The following RNLS variants were observed in gnomAD, a reference collection of about 807,000 sequenced individuals.
RNLS encodes the protein renalase, FAD dependent amine oxidase.
In RNLS, 39 loss-of-function variants were observed where a neutral mutation model predicts 39.8. That is an observed-to-expected ratio of 0.98 (90% confidence interval 0.76 to 1.28). The LOEUF is 1.28. Ranked by LOEUF, RNLS falls within the 50% of genes most tolerant of loss-of-function variation. The probability of loss-of-function intolerance (pLI) is 0.00; values close to 1 mark genes in which losing one functional copy is unlikely to be tolerated. For synonymous variants in RNLS, 147 were observed against 150.7 expected (o/e 0.98, Z 0.18); for missense variants, 410 against 413.3 (o/e 0.99, Z 0.07).
chr10:88,511,232 T>A (rs149144301), intron 4 of RNLS, among the ~76,000 whole-genome samples: 1 of 152,024 alleles, frequency 6.6e-6, no homozygotes, highest in East Asian at 2.0e-4. Context: ...GAGAATCACC[T>A]CTCTATGATG....
At chr10:88,360,644 G>T (rs982435941) in intron 5 of RNLS, among the ~76,000 whole-genome samples, 1 of 152,028 alleles carries the variant, frequency 6.6e-6, no homozygotes, top group African/African-American at 2.4e-5. Context: ...CATTACATTG[G>T]CCAGTCTGGT....
At chr10:88,420,305 T>A (rs1564786214) in intron 4 of RNLS, among the ~76,000 whole-genome samples, 1 of 152,200 alleles carries the variant, frequency 6.6e-6, no homozygotes, top group Non-Finnish European at 1.5e-5. Flanking sequence ...GTCCATTAAA[T>A]ATAAAGCTGG....
Position 88,540,276 on chromosome 10 carries a change from T to C in RNLS, c.526+32627A>G, listed in dbSNP as rs1847971237. Among the ~76,000 whole-genome samples the C allele has an allele frequency of 2.0e-5, 3 of 152,138 alleles. No homozygotes were observed. The South Asian group carries it at 6.2e-4, about 31-fold the overall frequency. On this transcript the variant is annotated intron_variant, in intron 4 of 6. Coordinates refer to ENST00000331772, the MANE Select transcript of RNLS (RefSeq NM_001031709.3). ...CAGCTGTAAAAAAGTAAAACTTTCT[T>C]AAAGTAAAACAAGGCATCCACTACT... is the stretch of plus-strand genomic sequence containing the variant.
the RNLS span, among the ~76,000 whole-genome samples, chr10:88,228,189 T>G: frequency 6.6e-6 from 1 of 152,216 alleles, no homozygotes; most frequent in Non-Finnish European, 1.5e-5. Flanking sequence ...AACAAAACTC[T>G]TTTCCTCAAC....
In RNLS at chr10:88,404,303, T is replaced by G. The variant is rs545688147; in HGVS notation, c.527-41578A>C. The stretch of plus-strand genomic sequence containing the variant: ...ATCTTGGTTTCAATCCTGCCTCTGT[T>G]CCCAAGAATCTTTGTGACCTGGGAC... On this transcript the variant is annotated intron_variant, in intron 4 of 6. Transcript: ENST00000331772. Among the ~76,000 whole-genome samples the G allele has an allele frequency of 6.6e-5, 10 of 152,190 alleles. No homozygotes were observed. The East Asian group carries it at 1.7e-3, about 27-fold the overall frequency.
In RNLS at chr10:88,368,915, T is replaced by C. The variant is rs190211144; in HGVS notation, c.527-6190A>G. Among the ~76,000 whole-genome samples the C allele has an allele frequency of 2.0e-4, 30 of 152,236 alleles. No homozygotes were observed. The East Asian group carries it at 4.6e-3, about 24-fold the overall frequency. On this transcript the variant is annotated intron_variant, in intron 4 of 6. Transcript: ENST00000331772. ...ACCCATTTCACTGTATCCTTGCTTA[T>C]ATTAAGTAATTTTTGTTACTTGCTA...
rs1170106211 is a variant in RNLS, at chr10:88,583,282, T to C, written c.-92A>G. The C allele has an allele frequency of 2.3e-5, 36 of 1,555,780 alleles. No homozygotes were observed. Among genetic ancestry groups the C allele is most frequent in the Non-Finnish European group, 2.7e-5 (31 of 1,158,136 alleles). Reference sequence around the variant, plus strand: ...AAGGCGGCCGAACCGGCGCTAGCGCTCTTTGGTTCCGTGCTCCCTGGGCCG... The same window carrying C: ...AAGGCGGCCGAACCGGCGCTAGCGCCCTTTGGTTCCGTGCTCCCTGGGCCG... On this transcript the variant is annotated 5_prime_UTR_variant, in exon 1 of 7. Transcript: ENST00000331772.
At chr10:88,212,384 T>C in the RNLS span, among the ~76,000 whole-genome samples, 1 of 152,236 alleles carries the variant, frequency 6.6e-6, no homozygotes, top group African/African-American at 2.4e-5. Flanking sequence ...ATATTTGTCC[T>C]GTTGACCAAC....
At chr10:88,541,133 AGAAAG>A (rs1213882311) in intron 4 of RNLS, among the ~76,000 whole-genome samples, 2 of 152,188 alleles carry the variant, frequency 1.3e-5, no homozygotes, top group Non-Finnish European at 2.9e-5. Flanking sequence ...TCTGTTATAT[AGAAAG>A]GAAAGATTTA....
the RNLS span, among the ~76,000 whole-genome samples, chr10:88,241,795 C>A: frequency 1.3e-5 from 2 of 152,214 alleles, no homozygotes; most frequent in Non-Finnish European, 2.9e-5. Context: ...TCCTTCTAGG[C>A]CCCAAAATGT....
At position 88,380,009 on chromosome 10, in the gene RNLS, T is replaced by C. The variant is rs144332719; in HGVS notation, c.527-17284A>G. On this transcript the variant is annotated intron_variant, in intron 4 of 6. Transcript: ENST00000331772. ...GGCACAGAGACAAACGTCTGCATTG[T>C]AACCTGTCCAAAATTCTGACCCACA... 2.6e-3 allele frequency among the ~76,000 whole-genome samples: 391 copies of C among 152,306 alleles called. 2 individuals are homozygous for C. Among genetic ancestry groups the C allele is most frequent in the African/African-American group, 8.9e-3 (370 of 41,576 alleles).
the RNLS span, among the ~76,000 whole-genome samples, chr10:88,179,854 T>C: frequency 2.6e-5 from 4 of 152,244 alleles, no homozygotes; most frequent in South Asian, 2.1e-4. Flanking sequence ...GGAGACGGAC[T>C]CTAAGTATAA....
chr10:88,580,526 C>A (rs1004823796), intron 3 of RNLS, among the ~76,000 whole-genome samples: 1 of 152,136 alleles, frequency 6.6e-6, no homozygotes, highest in Non-Finnish European at 1.5e-5. Context: ...GGGTACTTAA[C>A]TGAATTATGA....
At chr10:88,323,692 A>G (rs1846348483) in intron 5 of RNLS, among the ~76,000 whole-genome samples, 1 of 152,166 alleles carries the variant, frequency 6.6e-6, no homozygotes, top group African/African-American at 2.4e-5. Flanking sequence ...ACGTTGGCAT[A>G]TTCAAAGAAT....
intron 5 of RNLS, among the ~76,000 whole-genome samples, chr10:88,349,797 A>C (rs572061078): frequency 1.3e-5 from 2 of 152,092 alleles, no homozygotes; most frequent in African/African-American, 2.4e-5. Flanking sequence ...CCACCCCAAG[A>C]TCTGATATTA....
At chr10:88,236,312 G>A in the RNLS span, among the ~76,000 whole-genome samples, 4 of 152,230 alleles carry the variant, frequency 2.6e-5, no homozygotes, top group African/African-American at 7.2e-5. Context: ...GATAAAGGAG[G>A]AGGAGGTAGA....
At chr10:88,550,360 A>G (rs1676763897) in intron 4 of RNLS, among the ~76,000 whole-genome samples, 1 of 152,224 alleles carries the variant, frequency 6.6e-6, no homozygotes, top group Non-Finnish European at 1.5e-5. Flanking sequence ...AGGCCACAGA[A>G]GAGTACAAAT....
chr10:88,438,468 T>C (rs1841534447), intron 4 of RNLS, among the ~76,000 whole-genome samples: 1 of 152,242 alleles, frequency 6.6e-6, no homozygotes. Context: ...TACAGATCAT[T>C]TGTCATTTTT....
At chr10:88,467,055 C>A (rs995417634) in intron 4 of RNLS, among the ~76,000 whole-genome samples, 17 of 152,148 alleles carry the variant, frequency 1.1e-4, no homozygotes, top group African/African-American at 3.6e-4. Flanking sequence ...CAGTGGACTC[C>A]AGTAGGGTAC....
Sources: allele counts gnomAD v4.1 joint callset (sites outside exome capture counted in the v4.1 genomes callset), GRCh38; gene constraint gnomAD v4.1.1; transcripts MANE v1.5; gene names NCBI Gene and HGNC (gene_info 2026-07-23, HGNC 2026-07-21).